Variants in TSC22D1 observed in about 807,000 individuals in gnomAD.
TSC22D1 encodes the protein TSC22 domain family protein 1.
A neutral mutation model predicts 74.2 loss-of-function variants in TSC22D1; 9 were observed. That is an observed-to-expected ratio of 0.12 (90% CI 0.07 to 0.21). The LOEUF (loss-of-function observed/expected upper bound fraction) is 0.21, where lower values mean the gene tolerates loss of function less well. Ranked by LOEUF, TSC22D1 falls within the 10% of genes least tolerant of loss-of-function variation. The pLI is 1.00. For missense variants in TSC22D1, 1,427 were observed against 1,304.7 expected (o/e 1.09, Z -1.44); for synonymous variants, 586 against 492.5 (o/e 1.19, Z -2.51).
At chr13:44,565,935 A>G (rs1165703279) in intron 1 of TSC22D1, among the ~76,000 whole-genome samples, 1 of 152,206 alleles carries the variant, frequency 6.6e-6, no homozygotes, top group Non-Finnish European at 1.5e-5. Context: ...AAAAATTAAA[A>G]TGGTTTTCCT....
At chr13:44,524,822 G>A (rs1349595833) in intron 1 of TSC22D1, among the ~76,000 whole-genome samples, 1 of 152,094 alleles carries the variant, frequency 6.6e-6, no homozygotes, top group Non-Finnish European at 1.5e-5. Context: ...ACAGGCGTGA[G>A]CCACCGTGCC....
chr13:44,448,354 G>C (rs1875851269), intron 1 of TSC22D1, among the ~76,000 whole-genome samples: 1 of 152,124 alleles, frequency 6.6e-6, no homozygotes, highest in Admixed American at 6.5e-5. Context: ...GTAGGAACTA[G>C]ACTAACCAAC....
chr13:44,513,063 T>C lies in TSC22D1; in HGVS notation c.2912+60100A>G, dbSNP rs188000405. 5.0e-3 allele frequency among the ~76,000 whole-genome samples: 758 copies of C among 152,330 alleles called. 9 individuals carry two copies. The highest frequency in any genetic ancestry group is 8.1e-3 in the Non-Finnish European group (554 of 68,014). ...CACCTCCAGTCCTAACTTTCACCAA[T>C]TCTTTTCAGAAATCAGCTTAAATGT... On this transcript the variant is annotated intron_variant, in intron 1 of 2. Transcript: ENST00000458659.
At chr13:44,487,697 A>G (rs1016646719) in intron 1 of TSC22D1, among the ~76,000 whole-genome samples, 5 of 149,056 alleles carry the variant, frequency 3.4e-5, no homozygotes, top group African/African-American at 1.2e-4. Context: ...GATCACTTCA[A>G]GAGGTTAAAA....
intron 1 of TSC22D1, chr13:44,539,894 A>T: frequency 7.8e-7 from 1 of 1,289,628 alleles, no homozygotes. Flanking sequence ...TTCTAGGATC[A>T]CTCCTTGCAC....
intron 1 of TSC22D1, 61 bp downstream of exon 1, chr13:44,573,102 G>A (rs1183326004): frequency 1.3e-6 from 2 of 1,556,728 alleles, no homozygotes; most frequent in East Asian, 2.3e-5. Context: ...CATACATATA[G>A]CTACTAAATA....
intron 1 of TSC22D1, among the ~76,000 whole-genome samples, chr13:44,438,754 T>C (rs967921391): frequency 1.2e-4 from 18 of 152,258 alleles, no homozygotes; most frequent in African/African-American, 4.3e-4. Context: ...GAAATCGTAA[T>C]TATTTGGGAA....
intron 1 of TSC22D1, among the ~76,000 whole-genome samples, chr13:44,556,418 C>T (rs958170646): frequency 4.6e-5 from 7 of 151,636 alleles, no homozygotes; most frequent in African/African-American, 1.2e-4. Flanking sequence ...CAGTGGTGCA[C>T]GCCTGTACTT....
chr13:44,473,531 A>G (rs967986714), intron 1 of TSC22D1, among the ~76,000 whole-genome samples: 3 of 151,984 alleles, frequency 2.0e-5, no homozygotes, highest in Admixed American at 1.3e-4. Context: ...TAAAAATAAA[A>G]CTGTACAATT....
chr13:44,436,408 G>A, intron 1 of TSC22D1: 1 of 1,426,740 alleles, frequency 7.0e-7, no homozygotes, highest in Non-Finnish European at 9.6e-7. Flanking sequence ...TAATCTCTCA[G>A]CAATGGACAA....
chr13:44,446,769 G>GGAAGAAGAGGAA (rs1875680813), intron 1 of TSC22D1, among the ~76,000 whole-genome samples: 1 of 143,388 alleles, frequency 7.0e-6, no homozygotes, highest in African/African-American at 2.6e-5. Context: ...AAGAAGAAGA[G>GGAAGAAGAGGAA]GAAGAAGAGG....
intron 1 of TSC22D1, among the ~76,000 whole-genome samples, chr13:44,565,975 A>G (rs748076798): frequency 6.6e-6 from 1 of 152,166 alleles, no homozygotes; most frequent in Non-Finnish European, 1.5e-5. Flanking sequence ...CAAAAGAAAA[A>G]ATAAATAAAT....
At chr13:44,473,732 T>G (rs1877739354) in intron 1 of TSC22D1, among the ~76,000 whole-genome samples, 1 of 152,206 alleles carries the variant, frequency 6.6e-6, no homozygotes, top group South Asian at 2.1e-4. Context: ...AACTGATGGT[T>G]TACATATAAT....
Position 44,434,341 on chromosome 13 carries a change from A to G in TSC22D1, c.*285T>C, listed in dbSNP as rs1874332062. On this transcript the variant is annotated 3_prime_UTR_variant, in exon 3 of 3. Coordinates refer to ENST00000458659, the MANE Select transcript of TSC22D1 (RefSeq NM_183422.4). Reference sequence around the variant, plus strand: ...GGGATGGAAAGGCACACAGCTCCTGAGCATGAATTAAACCATTTCTCAGAT... The same window carrying G: ...GGGATGGAAAGGCACACAGCTCCTGGGCATGAATTAAACCATTTCTCAGAT... 1.0e-5 allele frequency: 14 copies of G among 1,378,192 alleles called. No homozygotes were observed. Among genetic ancestry groups the G allele is most frequent in the Non-Finnish European group, 1.2e-5 (13 of 1,075,612 alleles). The allele number at this position is 1,378,192 out of a possible 1,614,324, so 85.4% of individuals were successfully genotyped here.
rs1883435872 is a variant in TSC22D1 at position 44,567,240 on chromosome 13, C to A, written c.2912+5923G>T. ...ATTCCAAGCAAGAAATCAGAAGAGC[C>A]TTCTTATAGGGATCTAACCAGCTAG... is the stretch of plus-strand genomic sequence containing the variant. On this transcript the variant is annotated intron_variant, in intron 1 of 2. Transcript: ENST00000458659. 3.9e-5 allele frequency among the ~76,000 whole-genome samples: 6 copies of A among 152,264 alleles called. No homozygotes were observed. The South Asian group carries it at 1.2e-3, about 32-fold the overall frequency.
rs1303252125 is a variant in TSC22D1, at chr13:44,576,084, T to C, written c.-10A>G. The stretch of plus-strand genomic sequence containing the variant: ...CAGGCGGCTGGTGCATTGTGTTGGG[T>C]ACCGGGGGCGCGGAGGAGACGAGTG... On this transcript the variant is annotated 5_prime_UTR_variant, in exon 1 of 3. Transcript: ENST00000458659. 2.0e-6 allele frequency: 3 copies of C among 1,524,488 alleles called. No homozygotes were observed. Among genetic ancestry groups the C allele is most frequent in the East Asian group, 2.4e-5 (1 of 42,334 alleles). 94.4% of individuals were successfully genotyped at this position (1,524,488 alleles called of 1,614,324 possible).
At chr13:44,454,748 C>T (rs1383497792) in intron 1 of TSC22D1, among the ~76,000 whole-genome samples, 2 of 152,032 alleles carry the variant, frequency 1.3e-5, no homozygotes, top group Non-Finnish European at 2.9e-5. Flanking sequence ...CATTATTATT[C>T]CCATTCATAT....
chr13:44,573,557 C>G lies in TSC22D1; in HGVS notation c.2518G>C (p.Gly840Arg), dbSNP rs780411519. 5 of 1,614,198 alleles carry G rather than the reference C, an allele frequency of 3.1e-6. No individual in the cohort carries two copies. The highest frequency in any genetic ancestry group is 1.1e-5 in the South Asian group (1 of 91,086). The change falls in exon 1 of 3, where the codon GGT becomes CGT. Residue 840 changes from glycine to arginine, a missense_variant. Physicochemically the swap from Gly to Arg is moderately radical, Grantham distance 125. This residue lies in a region of TSC22D1 where 1,343 missense variants were observed against 1,191.5 expected (regional missense o/e 1.13). Coordinates refer to ENST00000458659, the MANE Select transcript of TSC22D1 (RefSeq NM_183422.4). Reference sequence around the variant, plus strand: ...GGGGCAGAAGGCATTCCAGAAGGACCAGTTGAACTAACCTGACTTGTAACA... The same window carrying G: ...GGGGCAGAAGGCATTCCAGAAGGACGAGTTGAACTAACCTGACTTGTAACA... ...ISVTSQVSST[G>R]PSGMPSAPTN...
At chr13:44,507,357 T>C (rs1426727724) in intron 1 of TSC22D1, among the ~76,000 whole-genome samples, 1 of 151,968 alleles carries the variant, frequency 6.6e-6, no homozygotes, top group Admixed American at 6.6e-5. Flanking sequence ...AGGCCAAGAT[T>C]AGGGAGGTCT....
Sources: gnomAD v4.1 joint callset for allele counts (sites outside exome capture counted in the v4.1 genomes callset) on GRCh38, gnomAD v4.1.1 for gene constraint, gnomAD v4.1.1 regional missense constraint, MANE v1.5 for transcripts, NCBI Gene and HGNC (gene_info 2026-07-23, HGNC 2026-07-21) for gene names.